Variants in PFDN1 observed in about 807,000 individuals in gnomAD.
PFDN1 encodes prefoldin subunit 1.
In PFDN1, 6 loss-of-function variants were observed where a neutral mutation model predicts 17.3. The observed-to-expected ratio is 0.35, with a 90% CI of 0.19 to 0.69. The LOEUF (loss-of-function observed/expected upper bound fraction) is 0.69, where lower values mean the gene tolerates loss of function less well. Ranked by LOEUF, PFDN1 falls within the 30% of genes least tolerant of loss-of-function variation. The pLI, the probability that PFDN1 is intolerant of heterozygous loss-of-function variation, is 0.65. For missense variants in PFDN1, 113 were observed against 146.2 expected, an observed-to-expected ratio of 0.77 and a Z score of 1.17; for synonymous variants, 58 against 50.1, an observed-to-expected ratio of 1.16 and a Z score of -0.67.
intron 2 of PFDN1, among the ~76,000 whole-genome samples, chr5:140,293,467 T>C (rs952719292): frequency 6.6e-6 from 1 of 152,108 alleles, no homozygotes; most frequent in Non-Finnish European, 1.5e-5. Flanking sequence ...TTTAGTATGT[T>C]TGTACTCTCC....
intron 3 of PFDN1, among the ~76,000 whole-genome samples, chr5:140,275,442 TTC>T (rs1765276244): frequency 6.6e-6 from 1 of 151,592 alleles, no homozygotes; most frequent in South Asian, 2.1e-4. Flanking sequence ...CTTGTGTTTA[TTC>T]TGCTAATAAG....
At chr5:140,278,468 G>A (rs1350144148) in intron 3 of PFDN1, among the ~76,000 whole-genome samples, 1 of 142,534 alleles carries the variant, frequency 7.0e-6, no homozygotes, top group Non-Finnish European at 1.5e-5. Context: ...GGCTGAGGCA[G>A]AAGAATCGCT....
At chr5:140,290,123 T>C (rs1160498585) in intron 2 of PFDN1, among the ~76,000 whole-genome samples, 1 of 152,220 alleles carries the variant, frequency 6.6e-6, no homozygotes, top group Non-Finnish European at 1.5e-5. Flanking sequence ...TCTTTGTTGA[T>C]TGAGCCCCAA....
intron 1 of PFDN1, among the ~76,000 whole-genome samples, chr5:140,301,430 A>C (rs537365611): frequency 1.3e-5 from 2 of 152,336 alleles, no homozygotes; most frequent in South Asian, 4.1e-4. Flanking sequence ...AATGACTTTC[A>C]CATGCTGTTA....
chr5:140,247,015 C>T (rs1764839990), intron 3 of PFDN1, among the ~76,000 whole-genome samples: 2 of 152,244 alleles, frequency 1.3e-5, no homozygotes, highest in Admixed American at 1.3e-4. Context: ...CTCTCACCTC[C>T]ACCCCCTTCA....
chr5:140,267,260 T>C (rs568465327), intron 3 of PFDN1, among the ~76,000 whole-genome samples: 244 of 152,350 alleles, frequency 1.6e-3, no homozygotes, highest in Non-Finnish European at 2.7e-3. Flanking sequence ...GGGAGAATAG[T>C]AAATAGAAAG....
At chr5:140,266,125 T>C (rs939917460) in intron 3 of PFDN1, among the ~76,000 whole-genome samples, 2 of 152,152 alleles carry the variant, frequency 1.3e-5, no homozygotes, top group African/African-American at 2.4e-5. Flanking sequence ...GAGTGACATA[T>C]GGGGAAGGAA....
chr5:140,292,521 G>C (rs1032504795), intron 2 of PFDN1, among the ~76,000 whole-genome samples: 1 of 152,114 alleles, frequency 6.6e-6, no homozygotes, highest in Non-Finnish European at 1.5e-5. Flanking sequence ...CTAGACTCCT[G>C]TTGCTGTACC....
chr5:140,249,929 T>TG (rs1390896644), intron 3 of PFDN1, among the ~76,000 whole-genome samples: 2 of 151,880 alleles, frequency 1.3e-5, no homozygotes, highest in Non-Finnish European at 2.9e-5. Flanking sequence ...TTGCGGGGGT[T>TG]GGGGGGGTCT....
chr5:140,249,612 G>A (rs372118250), intron 3 of PFDN1, among the ~76,000 whole-genome samples: 4 of 152,298 alleles, frequency 2.6e-5, no homozygotes, highest in African/African-American at 9.6e-5. Context: ...ATGAAGAAAA[G>A]AGGTTTGTTT....
intron 1 of PFDN1, among the ~76,000 whole-genome samples, chr5:140,302,824 A>G (rs376981481): frequency 1.3e-4 from 20 of 152,110 alleles, no homozygotes; most frequent in African/African-American, 4.3e-4. Context: ...CCGCAGACTT[A>G]CCCGACCCAG....
At chr5:140,294,209 T>C (rs1765620347) in intron 2 of PFDN1, among the ~76,000 whole-genome samples, 1 of 152,064 alleles carries the variant, frequency 6.6e-6, no homozygotes, top group Admixed American at 6.6e-5. Flanking sequence ...CCCTGTAGTA[T>C]GCACTAAATA....
At chr5:140,283,849 C>T (rs543327605) in intron 2 of PFDN1, among the ~76,000 whole-genome samples, 1 of 152,198 alleles carries the variant, frequency 6.6e-6, no homozygotes, top group South Asian at 2.1e-4. Context: ...CAAGAGTCAC[C>T]AAATTATGTC....
intron 3 of PFDN1, among the ~76,000 whole-genome samples, chr5:140,261,586 G>A (rs909972210): frequency 6.6e-6 from 1 of 152,188 alleles, no homozygotes; most frequent in Non-Finnish European, 1.5e-5. Context: ...ATGACTCATA[G>A]GCACCTCCTC....
intron 3 of PFDN1, among the ~76,000 whole-genome samples, chr5:140,280,015 AAAAAAAG>A (rs1765370545): frequency 8.6e-6 from 1 of 115,948 alleles, no homozygotes; most frequent in African/African-American, 3.9e-5. Context: ...AAAAAAAAAC[AAAAAAAG>A]AAAAGAAAAG....
chr5:140,289,891 G>C (rs1765554466), intron 2 of PFDN1, among the ~76,000 whole-genome samples: 1 of 151,952 alleles, frequency 6.6e-6, no homozygotes, highest in Non-Finnish European at 1.5e-5. Context: ...CTCTCATACT[G>C]ACCCTTCACC....
chr5:140,256,089 G>A (rs893550747), intron 3 of PFDN1, among the ~76,000 whole-genome samples: 3 of 152,052 alleles, frequency 2.0e-5, no homozygotes, highest in Admixed American at 6.6e-5. Context: ...ATTCTCCTCC[G>A]ACATAACTGG....
intron 3 of PFDN1, 105 bp from the exon 4 acceptor site, chr5:140,246,162 A>T (rs888730937): frequency 5.5e-6 from 4 of 732,188 alleles, no homozygotes; most frequent in Middle Eastern, 2.3e-4. Context: ...TGTGACAGGC[A>T]ACTTTCAGGA....
At chr5:140,257,901 G>T (rs1166069176) in intron 3 of PFDN1, among the ~76,000 whole-genome samples, 3 of 152,198 alleles carry the variant, frequency 2.0e-5, no homozygotes. Flanking sequence ...TGGAATCAAG[G>T]AACTCACAGA....
Sources: allele counts gnomAD v4.1 joint callset (sites outside exome capture counted in the v4.1 genomes callset), GRCh38; gene constraint gnomAD v4.1.1; transcripts MANE v1.5; gene names NCBI Gene and HGNC (gene_info 2026-07-23, HGNC 2026-07-21).